The following GXYLT1 variants were observed in gnomAD, a reference collection of about 807,000 sequenced individuals.
GXYLT1 encodes the protein glycosyltransferase 8 domain containing 3.
A neutral mutation model predicts 54.0 loss-of-function variants in GXYLT1; 29 were observed. The ratio of observed to expected loss-of-function variants is 0.54; its 90% CI spans 0.40 to 0.73. The LOEUF (loss-of-function observed/expected upper bound fraction) is 0.73, where lower values mean the gene tolerates loss of function less well. Among genes scored for constraint, GXYLT1 ranks in the 30% least tolerant of loss-of-function variants. The pLI, the probability that GXYLT1 is intolerant of heterozygous loss-of-function variation, is 0.00. For missense variants in GXYLT1, 490 were observed against 553.4 expected (o/e 0.89, Z 1.15); for synonymous variants, 176 against 204.1 (o/e 0.86, Z 1.17).
At chr12:42,135,068 AT>A (rs1427718346) in intron 1 of GXYLT1, among the ~76,000 whole-genome samples, 2 of 152,336 alleles carry the variant, frequency 1.3e-5, no homozygotes, top group Non-Finnish European at 2.9e-5. Context: ...TCCCTGCATC[AT>A]TTATTGACTT....
chr12:42,083,089 A>G lies in GXYLT1; in HGVS notation c.*4697T>C, dbSNP rs1350049134. 6.6e-6 allele frequency: 1 copy of G among 152,146 alleles called. No homozygotes were observed. The highest frequency in any genetic ancestry group is 1.5e-5 in the Non-Finnish European group (1 of 68,016). The allele number at this position is 152,146 out of a possible 1,614,324, so 9.4% of individuals were successfully genotyped here. ...TATTTTCTATTTAAGTCTGACATTG[A>G]TTTGCAATCCATTTTAAACTGTTAC... On this transcript the variant is annotated 3_prime_UTR_variant, in exon 8 of 8. Coordinates refer to ENST00000398675, the MANE Select transcript of GXYLT1 (RefSeq NM_173601.2).
chr12:42,118,061 T>C (rs2065507677), intron 3 of GXYLT1, among the ~76,000 whole-genome samples: 1 of 152,186 alleles, frequency 6.6e-6, no homozygotes, highest in South Asian at 2.1e-4. Context: ...CCAGAGTATC[T>C]GAAGATAAAG....
At chr12:42,139,739 T>C (rs1048034580) in intron 1 of GXYLT1, among the ~76,000 whole-genome samples, 26 of 152,228 alleles carry the variant, frequency 1.7e-4, no homozygotes, top group African/African-American at 5.8e-4. Context: ...GATCCTTCAA[T>C]GACCTAAAAT....
rs545889265 is a variant in GXYLT1 at position 42,084,761 on chromosome 12, T to C, written c.*3025A>G. ...TTATTTCAGGGCCTTAAAACCCTTA[T>C]ATATTATGAACTACTCTTCATTAGA... is the stretch of plus-strand genomic sequence containing the variant. On this transcript the variant is annotated 3_prime_UTR_variant, in exon 8 of 8. Coordinates refer to ENST00000398675, the MANE Select transcript of GXYLT1 (RefSeq NM_173601.2). 2 of 152,416 alleles carry C rather than the reference T, an allele frequency of 1.3e-5. No individual in the cohort carries two copies. Among genetic ancestry groups the C allele is most frequent in the South Asian group, 2.1e-4 (1 of 4,832 alleles). The allele number at this position is 152,416 out of a possible 1,614,324, so 9.4% of individuals were successfully genotyped here. A position where few individuals can be genotyped will look rare whatever the true frequency, so the allele number is the denominator to read the frequency against.
At chr12:42,126,122 G>A (rs1024231600) in intron 2 of GXYLT1, among the ~76,000 whole-genome samples, 19 of 148,632 alleles carry the variant, frequency 1.3e-4, no homozygotes, top group African/African-American at 4.5e-4. Context: ...CACTCAGGCT[G>A]GAGTGCAGCG....
chr12:42,138,463 G>A (rs1220175852), intron 1 of GXYLT1, among the ~76,000 whole-genome samples: 1 of 152,052 alleles, frequency 6.6e-6, no homozygotes, highest in Non-Finnish European at 1.5e-5. Flanking sequence ...CAAAGAATAA[G>A]TTAGCATCAC....
rs1032851961 is a variant in GXYLT1, at chr12:42,097,579, G to A, written c.1024C>T (p.Arg342Ter). ...LFVFPCQWNY[R>*]PDHCIYGSNC... The stretch of plus-strand genomic sequence containing the variant: ...CTTCCATATATACAATGATCTGGTC[G>A]ATAATTCCATTGACACGGAAAAACA... Residue 342 changes from arginine to a stop codon, truncating the protein, a stop_gained, in exon 7 of 8, where the codon CGA (arginine) becomes TGA (stop). Coordinates refer to ENST00000398675, the MANE Select transcript of GXYLT1 (RefSeq NM_173601.2). LOFTEE classifies it high-confidence loss of function. The A allele has an allele frequency of 2.5e-6, 4 of 1,606,850 alleles. No homozygotes were observed. Among genetic ancestry groups the A allele is most frequent in the Admixed American group, 1.7e-5 (1 of 58,202 alleles).
At chr12:42,117,097 G>A (rs1231233776) in intron 3 of GXYLT1, among the ~76,000 whole-genome samples, 4 of 140,672 alleles carry the variant, frequency 2.8e-5, no homozygotes, top group Non-Finnish European at 4.6e-5. Context: ...ATGGACACAG[G>A]AAGGGGAACA....
rs1258229638 is a variant in GXYLT1 at position 42,144,454 on chromosome 12, G to GGCCCGCGACGCCGGCGCC, written c.175_192dup (p.Gly59_Gly64dup). ...TCCGACACGCCGGGATGCGCTGCGG[G>GGCCCGCGACGCCGGCGCC]GCCCGCGACGCCGGCGCCTCTCACG... is the stretch of plus-strand genomic sequence containing the variant. On this transcript the variant is annotated inframe_insertion, in exon 1 of 8. Coordinates refer to ENST00000398675, the MANE Select transcript of GXYLT1 (RefSeq NM_173601.2). The GGCCCGCGACGCCGGCGCC allele has an allele frequency of 3.1e-5, 41 of 1,311,658 alleles. No homozygotes were observed. Among genetic ancestry groups the GGCCCGCGACGCCGGCGCC allele is most frequent in the Admixed American group, 4.1e-5 (1 of 24,120 alleles). 81.3% of individuals were successfully genotyped at this position (1,311,658 alleles called of 1,614,324 possible). A position where few individuals can be genotyped will look rare whatever the true frequency, so the allele number is the denominator to read the frequency against.
At chr12:42,119,254 C>A in intron 2 of GXYLT1, 83 bp from the exon 3 acceptor site, 1 of 1,172,856 alleles carries the variant, frequency 8.5e-7, no homozygotes, top group Non-Finnish European at 1.2e-6. Context: ...AAAAGTGAAG[C>A]TCAAAGCCAG....
chr12:42,105,992 C>T lies in GXYLT1; in HGVS notation c.690G>A (p.Trp230Ter), dbSNP rs2065418286. 2.5e-6 allele frequency: 4 copies of T among 1,613,480 alleles called. No homozygotes were observed. The highest frequency in any genetic ancestry group is 2.5e-6 in the Non-Finnish European group (3 of 1,179,480). Residue 230 changes from tryptophan (W) to a stop codon, truncating the protein, a stop_gained, in exon 5 of 8, where the codon TGG becomes TGA. Coordinates refer to ENST00000398675, the MANE Select transcript of GXYLT1 (RefSeq NM_173601.2). LOFTEE classifies it high-confidence loss of function. ...ILFLRPVDDIWSLLKKFNSTQ... is the reference protein window; with the variant it reads ...ILFLRPVDDI ...TGGAATTAAATTTCTTTAGTAAAGA[C>T]CAAATATCATCAACTGGTCGTAAAA... is the stretch of plus-strand genomic sequence containing the variant.
intron 2 of GXYLT1, among the ~76,000 whole-genome samples, chr12:42,129,252 A>G (rs1156715990): frequency 6.6e-6 from 1 of 152,192 alleles, no homozygotes; most frequent in Non-Finnish European, 1.5e-5. Flanking sequence ...AAAGGTCAAT[A>G]AACATTAAAG....
intron 1 of GXYLT1, among the ~76,000 whole-genome samples, chr12:42,130,204 G>A (rs148337366): frequency 2.0e-4 from 30 of 152,170 alleles, no homozygotes; most frequent in African/African-American, 6.7e-4. Flanking sequence ...ATCCCTTTGG[G>A]ACAAACAAAA....
intron 7 of GXYLT1, 83 bp from the exon 8 acceptor site, chr12:42,088,030 A>T: frequency 1.6e-6 from 1 of 610,566 alleles, no homozygotes; most frequent in Non-Finnish European, 2.7e-6. Flanking sequence ...AAACTTCTTC[A>T]ATCAGTTTAA....
intron 1 of GXYLT1, among the ~76,000 whole-genome samples, chr12:42,135,492 G>T (rs967655558): frequency 6.6e-6 from 1 of 152,134 alleles, no homozygotes; most frequent in African/African-American, 2.4e-5. Flanking sequence ...CTGAAAACAT[G>T]TTCACAGAAA....
chr12:42,126,863 G>A (rs889110243), intron 2 of GXYLT1, among the ~76,000 whole-genome samples: 2 of 145,986 alleles, frequency 1.4e-5, no homozygotes, highest in African/African-American at 2.5e-5. Context: ...CTGGGAGACA[G>A]TGAAACCCTG....
chr12:42,106,538 T>C (rs1281788196), intron 4 of GXYLT1, among the ~76,000 whole-genome samples: 1 of 152,072 alleles, frequency 6.6e-6, no homozygotes, highest in Non-Finnish European at 1.5e-5. Flanking sequence ...AGAGCCAAAC[T>C]GGAACCCAGG....
chr12:42,098,782 T>TATAA (rs2065372828), intron 5 of GXYLT1, among the ~76,000 whole-genome samples: 2 of 138,242 alleles, frequency 1.4e-5, no homozygotes, highest in Admixed American at 7.2e-5. Flanking sequence ...TATATATATA[T>TATAA]ATAATACATG....
intron 2 of GXYLT1, among the ~76,000 whole-genome samples, chr12:42,126,531 G>GT (rs1325641148): frequency 1.3e-5 from 2 of 152,206 alleles, no homozygotes; most frequent in Admixed American, 1.3e-4. Context: ...ATGGAATAGT[G>GT]TGTTGCCATT....
Sources: allele counts gnomAD v4.1 joint callset (sites outside exome capture counted in the v4.1 genomes callset), GRCh38; gene constraint gnomAD v4.1.1; transcripts MANE v1.5; gene names NCBI Gene and HGNC (gene_info 2026-07-23, HGNC 2026-07-21).